SMYD3: variants seen among roughly 807,000 people sequenced by gnomAD.
The protein encoded by SMYD3 is SET and MYND domain containing 3.
SMYD3 carries 36 observed loss-of-function variants against 57.7 expected under a neutral mutation model. That is an observed-to-expected ratio of 0.62 (90% CI 0.48 to 0.82). SMYD3 has a LOEUF of 0.82. Among genes scored for constraint, SMYD3 ranks in the 40% least tolerant of loss-of-function variants. The probability of loss-of-function intolerance (pLI) is 0.00; values close to 1 mark genes in which losing one functional copy is unlikely to be tolerated. For missense variants in SMYD3, 515 were observed against 538.8 expected, an observed-to-expected ratio of 0.96 and a Z score of 0.44; for synonymous variants, 211 against 195.0, an observed-to-expected ratio of 1.08 and a Z score of -0.68.
chr1:246,270,983 C>T (rs2064208943), intron 5 of SMYD3, among the ~76,000 whole-genome samples: 1 of 152,162 alleles, frequency 6.6e-6, no homozygotes, highest in African/African-American at 2.4e-5. Flanking sequence ...CACTTATTTT[C>T]TGGGGTTTTT....
At chr1:245,948,377 G>A (rs1029046622) in intron 5 of SMYD3, among the ~76,000 whole-genome samples, 1 of 152,156 alleles carries the variant, frequency 6.6e-6, no homozygotes, top group African/African-American at 2.4e-5. Context: ...TCTTTGGCTG[G>A]GACCCTGAAG....
chr1:246,211,975 C>G (rs77553081), intron 5 of SMYD3, among the ~76,000 whole-genome samples: 3,707 of 151,132 alleles, frequency 0.025, 165 homozygotes, highest in African/African-American at 0.085. Context: ...GATAATCACT[C>G]AAGTATTTAG....
At chr1:245,818,102 CA>C (rs2048953671) in intron 10 of SMYD3, among the ~76,000 whole-genome samples, 1 of 151,972 alleles carries the variant, frequency 6.6e-6, no homozygotes, top group Non-Finnish European at 1.5e-5. Context: ...TTGTCAGATT[CA>C]CCAAAGTTGA....
intron 5 of SMYD3, among the ~76,000 whole-genome samples, chr1:245,987,033 T>A (rs913572463): frequency 6.6e-6 from 1 of 152,284 alleles, no homozygotes; most frequent in Admixed American, 6.5e-5. Context: ...CACTTGCGGA[T>A]GAATAGGAAA....
chr1:246,214,821 T>C (rs1041283348), intron 5 of SMYD3, among the ~76,000 whole-genome samples: 4 of 152,122 alleles, frequency 2.6e-5, no homozygotes, highest in Non-Finnish European at 4.4e-5. Flanking sequence ...GAATGGAGAA[T>C]AGCAAAGCCA....
chr1:245,924,271 T>C (rs4654071), intron 7 of SMYD3, among the ~76,000 whole-genome samples: 117,518 of 152,012 alleles, frequency 0.77, 46,957 homozygotes, highest in Middle Eastern at 0.89. Flanking sequence ...TTAAATGATA[T>C]TACACATCTC....
At chr1:245,817,019 G>A in intron 10 of SMYD3, among the ~76,000 whole-genome samples, 1 of 151,594 alleles carries the variant, frequency 6.6e-6, no homozygotes, top group Non-Finnish European at 1.5e-5. Flanking sequence ...AAGCAGCCGG[G>A]AAGCTCGAAC....
intron 11 of SMYD3, among the ~76,000 whole-genome samples, chr1:245,762,425 C>T (rs749713187): frequency 2.0e-5 from 3 of 152,160 alleles, no homozygotes; most frequent in Non-Finnish European, 4.4e-5. Flanking sequence ...ATTTCCTGCA[C>T]GTTGTTTTTC....
intron 1 of SMYD3, chr1:246,483,605 T>C (rs1420120405): frequency 6.6e-6 from 1 of 152,242 alleles, no homozygotes; most frequent in Non-Finnish European, 1.5e-5. Flanking sequence ...AAGGACCATT[T>C]AAGGGAAAGG....
intron 5 of SMYD3, among the ~76,000 whole-genome samples, chr1:246,273,731 C>T (rs2064276015): frequency 6.6e-6 from 1 of 151,612 alleles, no homozygotes; most frequent in Non-Finnish European, 1.5e-5. Context: ...ATTACTGGTG[C>T]CCACTATCAC....
At chr1:245,830,753 G>A (rs550439560) in intron 10 of SMYD3, among the ~76,000 whole-genome samples, 3 of 152,252 alleles carry the variant, frequency 2.0e-5, no homozygotes, top group South Asian at 4.1e-4. Flanking sequence ...TTGCTAGAGT[G>A]GCACCAGCTG....
intron 5 of SMYD3, among the ~76,000 whole-genome samples, chr1:246,194,820 C>T (rs1373767642): frequency 4.6e-5 from 7 of 152,202 alleles, no homozygotes; most frequent in South Asian, 2.1e-4. Flanking sequence ...AGAAATTCTA[C>T]GGCACAACAA....
intron 5 of SMYD3, among the ~76,000 whole-genome samples, chr1:246,317,276 C>T (rs1446174426): frequency 6.6e-6 from 1 of 152,204 alleles, no homozygotes; most frequent in African/African-American, 2.4e-5. Context: ...ACCGACAGAA[C>T]CAATGGCTTT....
chr1:246,103,947 C>G (rs1377155985), intron 5 of SMYD3, among the ~76,000 whole-genome samples: 1 of 152,190 alleles, frequency 6.6e-6, no homozygotes, highest in Non-Finnish European at 1.5e-5. Context: ...TGAAGAAAAC[C>G]TTGTTCAGAT....
At chr1:246,502,066 A>G (rs565040010) in intron 1 of SMYD3, among the ~76,000 whole-genome samples, 2 of 152,100 alleles carry the variant, frequency 1.3e-5, no homozygotes, top group South Asian at 2.1e-4. Flanking sequence ...TCATCTCACC[A>G]AACACAGTGA....
chr1:246,497,733 T>C (rs2068385897), intron 1 of SMYD3, among the ~76,000 whole-genome samples: 2 of 152,254 alleles, frequency 1.3e-5, no homozygotes, highest in African/African-American at 4.8e-5. Context: ...GTTGCACGCC[T>C]GTGGTCTCAG....
chr1:246,029,274 T>C (rs1396988410), intron 5 of SMYD3, among the ~76,000 whole-genome samples: 2 of 152,326 alleles, frequency 1.3e-5, no homozygotes, highest in Non-Finnish European at 2.9e-5. Flanking sequence ...AGAGACAATC[T>C]GTAGCAATAA....
At chr1:246,302,644 A>C (rs1308742125) in intron 5 of SMYD3, among the ~76,000 whole-genome samples, 1 of 152,104 alleles carries the variant, frequency 6.6e-6, no homozygotes, top group Non-Finnish European at 1.5e-5. Context: ...TGAGTATAGC[A>C]AATTGGACAG....
chr1:246,277,521 C>G (rs186628894), intron 5 of SMYD3, among the ~76,000 whole-genome samples: 2 of 152,318 alleles, frequency 1.3e-5, no homozygotes, highest in East Asian at 3.9e-4. Context: ...AGCAATCTCA[C>G]TACTGGTATT....
Sources: gnomAD v4.1 joint callset for allele counts (sites outside exome capture counted in the v4.1 genomes callset) on GRCh38, gnomAD v4.1.1 for gene constraint, MANE v1.5 for transcripts, NCBI Gene and HGNC (gene_info 2026-07-23, HGNC 2026-07-21) for gene names.